The following TIGAR variants were observed in gnomAD, a reference collection of about 807,000 sequenced individuals.
The protein encoded by TIGAR is TP53 induced glycolysis regulatory phosphatase, also known as fructose-2,6-bisphosphatase TIGAR.
TIGAR carries 7 observed loss-of-function variants against 17.9 expected under a neutral mutation model. That is an observed-to-expected ratio of 0.39 (90% CI 0.22 to 0.73). TIGAR has a LOEUF of 0.73. Among genes scored for constraint, TIGAR ranks in the 30% least tolerant of loss-of-function variants. TIGAR has a pLI of 0.42. For missense variants in TIGAR, 258 were observed against 327.4 expected (o/e 0.79, Z 1.64); for synonymous variants, 94 against 108.6 (o/e 0.87, Z 0.84).
intron 3 of TIGAR, among the ~76,000 whole-genome samples, chr12:4,342,712 G>T (rs1335481399): frequency 6.6e-6 from 1 of 152,174 alleles, no homozygotes; most frequent in Non-Finnish European, 1.5e-5. Context: ...CACCAGGCCT[G>T]CCCTAAAAGA....
chr12:4,337,124 T>C lies in TIGAR; in HGVS notation c.156T>C (p.Thr52=). The C allele has an allele frequency of 6.2e-7, 1 of 1,613,496 alleles. No individual in the cohort carries two copies. The highest frequency in any genetic ancestry group is 8.5e-7 in the Non-Finnish European group (1 of 1,179,454). The change falls in exon 3 of 6, where the codon ACT becomes ACC. Residue 52 remains threonine, a synonymous_variant. Transcript: ENST00000179259. The part of the protein sequence containing the change: ...AGIFLNNVKF[T]HAFSSDLMRT... ...TATTTCTGAATAATGTGAAGTTTAC[T>C]CATGCTTTCTCCAGTGATCTCATGA... is the stretch of plus-strand genomic sequence containing the variant.
At chr12:4,337,359 T>A (rs1277443553) in intron 3 of TIGAR, among the ~76,000 whole-genome samples, 199 bp downstream of exon 3, 1 of 151,882 alleles carries the variant, frequency 6.6e-6, no homozygotes, top group African/African-American at 2.4e-5. Context: ...AGAGATGGGG[T>A]TTTGCCATGT....
intron 3 of TIGAR, among the ~76,000 whole-genome samples, chr12:4,345,890 A>G (rs947872348): frequency 8.5e-5 from 13 of 152,224 alleles, no homozygotes; most frequent in African/African-American, 2.7e-4. Flanking sequence ...CAGAATCTAC[A>G]AAGAACTCAA....
chr12:4,338,338 A>T (rs150555146), intron 3 of TIGAR, among the ~76,000 whole-genome samples: 390 of 152,260 alleles, frequency 2.6e-3, no homozygotes, highest in Non-Finnish European at 4.2e-3. Flanking sequence ...ATGAAGTAGA[A>T]CAAAGAAGGT....
In TIGAR at chr12:4,344,494, G is replaced by A. The variant is rs146973803; in HGVS notation, c.193-5325G>A. 5.1e-3 allele frequency among the ~76,000 whole-genome samples: 773 copies of A among 152,268 alleles called. 7 individuals carry two copies. Among genetic ancestry groups the A allele is most frequent in the African/African-American group, 0.017 (725 of 41,558 alleles). ...ATCCTCAATAAAATACTGGCAAACC[G>A]AATCCAGCAGCGCAACAAAAAGCTT... On this transcript the variant is annotated intron_variant, in intron 3 of 5. Coordinates refer to ENST00000179259, the MANE Select transcript of TIGAR (RefSeq NM_020375.3).
chr12:4,344,885 A>G (rs1011079107), intron 3 of TIGAR, among the ~76,000 whole-genome samples: 2 of 152,194 alleles, frequency 1.3e-5, no homozygotes, highest in African/African-American at 2.4e-5. Flanking sequence ...TCAGCCCCAA[A>G]TCTCCTTAAG....
chr12:4,324,685 C>T lies in TIGAR; in HGVS notation c.32+3382C>T, dbSNP rs554095362. ...CCGCAGGCCCGGGTTCACTTGCGGC[C>T]GCTGGCACGCACTGTACAGCTGCGT... On this transcript the variant is annotated intron_variant, in intron 1 of 5. Coordinates refer to ENST00000179259, the MANE Select transcript of TIGAR (RefSeq NM_020375.3). 828 of 974,242 alleles carry T rather than the reference C, an allele frequency of 8.5e-4. 15 individuals carry two copies. The East Asian group carries it at 0.021, about 25-fold the overall frequency. The allele number at this position is 974,242 out of a possible 1,614,324, so 60.3% of individuals were successfully genotyped here.
chr12:4,342,035 C>G (rs926532532), intron 3 of TIGAR, among the ~76,000 whole-genome samples: 7 of 152,100 alleles, frequency 4.6e-5, no homozygotes, highest in Non-Finnish European at 1.5e-5. Flanking sequence ...GCAGAGAAGT[C>G]CTTAAAGGAC....
intron 3 of TIGAR, among the ~76,000 whole-genome samples, chr12:4,339,048 A>T (rs1247131113): frequency 6.6e-6 from 1 of 151,752 alleles, no homozygotes; most frequent in Non-Finnish European, 1.5e-5. Context: ...AAATTATTAG[A>T]AGAAAAATAA....
intron 3 of TIGAR, among the ~76,000 whole-genome samples, chr12:4,339,986 C>T (rs1389718934): frequency 1.3e-5 from 2 of 152,192 alleles, no homozygotes; most frequent in Non-Finnish European, 1.5e-5. Context: ...AAACTGAAAG[C>T]CTTTCCTCTA....
intron 4 of TIGAR, among the ~76,000 whole-genome samples, chr12:4,350,138 G>C (rs954606649): frequency 2.0e-5 from 3 of 152,154 alleles, no homozygotes; most frequent in Non-Finnish European, 4.4e-5. Flanking sequence ...ACTTAACACA[G>C]TATAGAAGAG....
chr12:4,349,909 T>C lies in TIGAR; in HGVS notation c.270+13T>C, dbSNP rs765145880. 3 of 1,530,806 alleles carry C rather than the reference T, an allele frequency of 2.0e-6. No individual in the cohort carries two copies. Among genetic ancestry groups the C allele is most frequent in the African/African-American group, 1.4e-5 (1 of 69,864 alleles). The allele number at this position is 1,530,806 out of a possible 1,614,324, so 94.8% of individuals were successfully genotyped here. A position where few individuals can be genotyped will look rare whatever the true frequency, so the allele number is the denominator to read the frequency against. Reference sequence around the variant, plus strand: ...ACTTCGGGAAAGGGTGAGTAACTTATTTACATATTGTTCTTCCCCATAAAT... The same window carrying C: ...ACTTCGGGAAAGGGTGAGTAACTTACTTACATATTGTTCTTCCCCATAAAT... On this transcript the variant is annotated intron_variant, in intron 4 of 5. Transcript: ENST00000179259.
chr12:4,323,073 C>G (rs1864498921), intron 1 of TIGAR, among the ~76,000 whole-genome samples: 1 of 149,510 alleles, frequency 6.7e-6, no homozygotes, highest in South Asian at 2.1e-4. Context: ...CAAGACCAGC[C>G]TGGGCAACAT....
At position 4,355,857 on chromosome 12, in the gene TIGAR, A is replaced by G. The variant is rs1329082683; in HGVS notation, c.*3166A>G. Among the ~76,000 whole-genome samples, 2 of 152,112 alleles carry G rather than the reference A, an allele frequency of 1.3e-5. No individual in the cohort carries two copies. Among genetic ancestry groups the G allele is most frequent in the African/African-American group, 4.8e-5 (2 of 41,416 alleles). ...GACTCGATGGTGTCAGCACTGAAGG[A>G]TGTAAGATCTGCTGCTCTGGGGAGA... is the stretch of plus-strand genomic sequence containing the variant. On this transcript the variant is annotated 3_prime_UTR_variant, in exon 6 of 6. Transcript: ENST00000179259.
At chr12:4,347,337 C>G (rs1010553254) in intron 3 of TIGAR, among the ~76,000 whole-genome samples, 2 of 151,666 alleles carry the variant, frequency 1.3e-5, no homozygotes, top group Non-Finnish European at 2.9e-5. Context: ...TTTGTTGGAG[C>G]AAAAAATTAA....
Position 4,354,889 on chromosome 12 carries a change from G to A in TIGAR, c.*2198G>A, listed in dbSNP as rs1443750450. 2.2e-5 allele frequency among the ~76,000 whole-genome samples: 3 copies of A among 134,182 alleles called. No homozygotes were observed. The highest frequency in any genetic ancestry group is 3.2e-5 in the Non-Finnish European group (2 of 63,474). The allele number at this position is 134,182 out of a possible 152,430, so 88.0% of individuals were successfully genotyped here. ...TGGGACTACAGGCATGCACCACCAC[G>A]CCTGGCCTTTTTTTTTTTTTTAGTA... is the stretch of plus-strand genomic sequence containing the variant. On this transcript the variant is annotated 3_prime_UTR_variant, in exon 6 of 6. Coordinates refer to ENST00000179259, the MANE Select transcript of TIGAR (RefSeq NM_020375.3).
chr12:4,355,237 A>T lies in TIGAR; in HGVS notation c.*2546A>T, dbSNP rs576460696. Among the ~76,000 whole-genome samples, 140 of 150,674 alleles carry T rather than the reference A, an allele frequency of 9.3e-4. No individual in the cohort carries two copies. The highest frequency in any genetic ancestry group is 2.8e-3 in the African/African-American group (117 of 41,074). On this transcript the variant is annotated 3_prime_UTR_variant, in exon 6 of 6. Transcript: ENST00000179259. Reference sequence around the variant, plus strand: ...TTTTATAGTATAAGGTAAGAATTTAATTTTTTTTTTCATGTGGTTGAAACA... The same window carrying T: ...TTTTATAGTATAAGGTAAGAATTTATTTTTTTTTTTCATGTGGTTGAAACA...
intron 3 of TIGAR, among the ~76,000 whole-genome samples, chr12:4,342,929 G>A (rs1343759336): frequency 2.6e-5 from 4 of 152,130 alleles, no homozygotes; most frequent in Non-Finnish European, 5.9e-5. Flanking sequence ...CCAATTAAAA[G>A]ACACAGACTG....
chr12:4,324,782 G>A, intron 1 of TIGAR: 1 of 652,372 alleles, frequency 1.5e-6, no homozygotes, highest in South Asian at 1.7e-5. Flanking sequence ...GTTTGCGGAA[G>A]GTCCGCTTCT....
Sources: allele counts gnomAD v4.1 joint callset (sites outside exome capture counted in the v4.1 genomes callset), GRCh38; gene constraint gnomAD v4.1.1; transcripts MANE v1.5; gene names NCBI Gene and HGNC (gene_info 2026-07-23, HGNC 2026-07-21).